RASGRP4: variants seen among roughly 807,000 people sequenced by gnomAD.
RASGRP4 encodes the protein RAS guanyl-releasing protein 4.
Under a neutral mutation model 84.4 loss-of-function variants are expected in RASGRP4, and 52 were observed. The ratio of observed to expected loss-of-function variants is 0.62; its 90% CI spans 0.49 to 0.78. The LOEUF is 0.78. RASGRP4 is among the 30% of genes least tolerant of loss of function. RASGRP4 has a pLI of 0.00. For missense variants in RASGRP4, 760 were observed against 886.9 expected, an observed-to-expected ratio of 0.86 and a Z score of 1.82; for synonymous variants, 356 against 359.1, an observed-to-expected ratio of 0.99 and a Z score of 0.10.
chr19:38,419,809 C>T, intron 6 of RASGRP4, 51 bp downstream of exon 6: 1 of 1,525,088 alleles, frequency 6.6e-7, no homozygotes, highest in Non-Finnish European at 8.9e-7. Flanking sequence ...CAATCCCTCC[C>T]CTACCCCAGT....
chr19:38,419,792 C>T, intron 6 of RASGRP4, 68 bp downstream of exon 6: 1 of 1,465,356 alleles, frequency 6.8e-7, no homozygotes, highest in Non-Finnish European at 9.3e-7. Context: ...TCCTACCTTC[C>T]CCCAGCCAAT....
At chr19:38,425,183 CAA>C (rs570185454) in intron 1 of RASGRP4, among the ~76,000 whole-genome samples, 1 of 67,704 alleles carries the variant, frequency 1.5e-5, no homozygotes, top group Admixed American at 1.8e-4. Context: ...GACTCCGTCT[CAA>C]AAAAAAAAAA....
At chr19:38,410,290 C>T (rs115241994) in intron 16 of RASGRP4, among the ~76,000 whole-genome samples, 194 bp from the exon 17 acceptor site, 92 of 152,262 alleles carry the variant, frequency 6.0e-4, no homozygotes, top group African/African-American at 2.1e-3. Context: ...TCCATTAACC[C>T]GTACAGTAGC....
rs867512087 is a variant in RASGRP4 at position 38,409,857 on chromosome 19, C to G, written c.*183G>C. ...GAAAGGGAGCAGGATTAGCATCCACCAGGATGCAAAAGAGGAAAGTCACTT... is the reference window on the plus strand; with the variant it reads ...GAAAGGGAGCAGGATTAGCATCCACGAGGATGCAAAAGAGGAAAGTCACTT... On this transcript the variant is annotated 3_prime_UTR_variant, in exon 17 of 17. Transcript: ENST00000615439. 3.6e-6 allele frequency: 2 copies of G among 551,034 alleles called. No homozygotes were observed. Among genetic ancestry groups the G allele is most frequent in the Non-Finnish European group, 6.5e-6 (2 of 305,852 alleles). 34.1% of individuals were successfully genotyped at this position (551,034 alleles called of 1,614,324 possible).
rs777212070 is a variant in RASGRP4, at chr19:38,420,255, G to T, written c.385C>A (p.Leu129Met). 2.5e-6 allele frequency: 4 copies of T among 1,613,052 alleles called. No homozygotes were observed. Among genetic ancestry groups the T allele is most frequent in the Non-Finnish European group, 2.5e-6 (3 of 1,179,580 alleles). Reference sequence around the variant, plus strand: ...TGCATCACCTCAGGGTGTCGCATCAGCCAGTACCTGAGAGTGGTTTGGAGA... The same window carrying T: ...TGCATCACCTCAGGGTGTCGCATCATCCAGTACCTGAGAGTGGTTTGGAGA... ...LQICHLVRYWLMRHPEVMHQD... is the reference protein window; with the variant it reads ...LQICHLVRYWMMRHPEVMHQD... The change falls in exon 5 of 17, where the codon CTG (leucine) becomes ATG (methionine). Residue 129 changes from leucine (L) to methionine (M), a missense_variant. Physicochemically the swap from Leu to Met is conservative, Grantham distance 15 (BLOSUM62 2). Transcript: ENST00000615439.
rs988904556 is a variant in RASGRP4, at chr19:38,412,150, G to A, written c.1680+522C>T. Among the ~76,000 whole-genome samples, 10 of 151,622 alleles carry A rather than the reference G, an allele frequency of 6.6e-5. No homozygotes were observed. The highest frequency in any genetic ancestry group is 1.2e-4 in the African/African-American group (5 of 41,218). ...GTTGTTGTTTTTGAGACAGAATCTC[G>A]CTCTGTCACCCAAGCTGGAGTGCAG... On this transcript the variant is annotated intron_variant, in intron 13 of 16. Transcript: ENST00000615439. The surrounding 1 kb of genome is among the most constrained non-coding windows in gnomAD (Gnocchi z 4.6).
chr19:38,425,688 C>T (rs970357930), intron 1 of RASGRP4, among the ~76,000 whole-genome samples: 3 of 152,174 alleles, frequency 2.0e-5, no homozygotes, highest in Non-Finnish European at 4.4e-5. Flanking sequence ...AGGGGAGTCG[C>T]CTTGCCCTGT....
chr19:38,410,414 CT>C (rs1001083743), intron 16 of RASGRP4, among the ~76,000 whole-genome samples: 353 of 135,948 alleles, frequency 2.6e-3, no homozygotes, highest in East Asian at 3.1e-3. Context: ...TTCTATTTTT[CT>C]TTTTTTTTTT....
At chr19:38,424,386 C>T (rs1242894404) in intron 1 of RASGRP4, among the ~76,000 whole-genome samples, 4 of 152,026 alleles carry the variant, frequency 2.6e-5, no homozygotes, top group Non-Finnish European at 5.9e-5. Flanking sequence ...TCTGAAAGTG[C>T]TGGGATTACA....
chr19:38,409,237 A>G lies in RASGRP4; in HGVS notation c.*803T>C, dbSNP rs537385800. 4.5e-4 allele frequency: 79 copies of G among 175,668 alleles called. 1 individual carries two copies. Among genetic ancestry groups the G allele is most frequent in the Admixed American group, 8.8e-4 (15 of 17,060 alleles). 10.9% of individuals were successfully genotyped at this position (175,668 alleles called of 1,614,324 possible). On this transcript the variant is annotated 3_prime_UTR_variant, in exon 17 of 17. Coordinates refer to ENST00000615439, the MANE Select transcript of RASGRP4 (RefSeq NM_170604.3). ...AGCACATCTATCCTGTGCCGTGGGCATGGGTAAGGAGACATTCAGGCATCA... is the reference window on the plus strand; with the variant it reads ...AGCACATCTATCCTGTGCCGTGGGCGTGGGTAAGGAGACATTCAGGCATCA...
intron 1 of RASGRP4, among the ~76,000 whole-genome samples, 158 bp downstream of exon 1, chr19:38,425,911 A>G (rs534078147): frequency 2.0e-5 from 3 of 152,276 alleles, no homozygotes; most frequent in African/African-American, 7.2e-5. Flanking sequence ...CTGCAGCCGT[A>G]GCTGGCTCCA....
chr19:38,420,264 TGA>T lies in RASGRP4; in HGVS notation c.378-4_378-3del. ...TCAGGGTGTCGCATCAGCCAGTACC[TGA>T]GAGTGGTTTGGAGATGGTGAGATGA... On this transcript the variant is annotated splice_polypyrimidine_tract_variant and splice_region_variant and intron_variant, in intron 4 of 16. Coordinates refer to ENST00000615439, the MANE Select transcript of RASGRP4 (RefSeq NM_170604.3). The T allele has an allele frequency of 6.2e-7, 1 of 1,612,516 alleles. No homozygotes were observed. The highest frequency in any genetic ancestry group is 8.5e-7 in the Non-Finnish European group (1 of 1,179,284).
Position 38,410,951 on chromosome 19 carries a change from C to CA in RASGRP4, c.1899dup (p.Gly634TrpfsTer12). ...GTCCAGGCATGGCGAAGCTGGCACC[C>CA]AGTCTCAGGCTCCAGGGATAGCGTG... On this transcript the variant is annotated frameshift_variant, in exon 16 of 17. Transcript: ENST00000615439. LOFTEE classifies it high-confidence loss of function. 6.2e-7 allele frequency: 1 copy of CA among 1,603,810 alleles called. No homozygotes were observed. Among genetic ancestry groups the CA allele is most frequent in the Non-Finnish European group, 8.5e-7 (1 of 1,175,308 alleles).
At chr19:38,410,473 C>T (rs1416307250) in intron 16 of RASGRP4, among the ~76,000 whole-genome samples, 1 of 149,372 alleles carries the variant, frequency 6.7e-6, no homozygotes, top group Non-Finnish European at 1.5e-5. Flanking sequence ...TGTGCAGTGG[C>T]ACAATCTCAG....
At position 38,422,068 on chromosome 19, in the gene RASGRP4, G is replaced by A. The variant is rs747855727; in HGVS notation, c.109C>T (p.Arg37Trp). The A allele has an allele frequency of 5.6e-6, 9 of 1,613,672 alleles. No homozygotes were observed. Among genetic ancestry groups the A allele is most frequent in the East Asian group, 4.5e-5 (2 of 44,900 alleles). ...VRRHKTCPSP[R>W]EISKVMASMN... ...GAAGCCATGACCTTGCTGATTTCCC[G>A]AGGGCTGGGGCATGTCTTGTGGCGG... Residue 37 changes from arginine (R) to tryptophan (W), a missense_variant, in exon 2 of 17, where the codon CGG becomes TGG. Coordinates refer to ENST00000615439, the MANE Select transcript of RASGRP4 (RefSeq NM_170604.3).
intron 2 of RASGRP4, among the ~76,000 whole-genome samples, chr19:38,421,494 A>G (rs1971748506): frequency 1.3e-5 from 2 of 152,258 alleles, no homozygotes; most frequent in East Asian, 1.9e-4. Flanking sequence ...GGCGGATCAT[A>G]TGAGGCCAGG....
In RASGRP4 at chr19:38,409,142, T is replaced by TGGGGGGG; in HGVS notation, c.*897_*898insCCCCCCC. ...AGGGGTGTTGGGGTTTGTGAAGGGG[T>TGGGGGGG]TGGGGGGGTCTCTGCTCCCTGGGAC... is the stretch of plus-strand genomic sequence containing the variant. On this transcript the variant is annotated 3_prime_UTR_variant, in exon 17 of 17. Coordinates refer to ENST00000615439, the MANE Select transcript of RASGRP4 (RefSeq NM_170604.3). 3.1e-6 allele frequency: 1 copy of TGGGGGGG among 318,566 alleles called. No homozygotes were observed. Among genetic ancestry groups the TGGGGGGG allele is most frequent in the African/African-American group, 2.4e-5 (1 of 42,352 alleles). 19.7% of individuals were successfully genotyped at this position (318,566 alleles called of 1,614,324 possible).
At position 38,411,181 on chromosome 19, in the gene RASGRP4, C is replaced by T. The variant is rs1186127553; in HGVS notation, c.1786G>A (p.Ala596Thr). ...VKVECKKRPGAKGDAGPPGAP... is the reference protein window; with the variant it reads ...VKVECKKRPGTKGDAGPPGAP... ...CCGGGGGGTCCTGCATCGCCCTTGG[C>T]CCCTGGCCTCTTCTTACATTCTACC... The change falls in exon 15 of 17, where the codon GCC becomes ACC. Residue 596 changes from alanine to threonine, a missense_variant. Ala to Thr is a moderately conservative substitution (Grantham distance 58). Transcript: ENST00000615439. 1 of 1,613,918 alleles carries T rather than the reference C, an allele frequency of 6.2e-7. No individual in the cohort carries two copies. Among genetic ancestry groups the T allele is most frequent in the East Asian group, 2.2e-5 (1 of 44,882 alleles).
At chr19:38,419,234 A>C (rs192445537) in intron 6 of RASGRP4, among the ~76,000 whole-genome samples, 2 of 152,308 alleles carry the variant, frequency 1.3e-5, no homozygotes, top group Middle Eastern at 3.4e-3. Context: ...TGACAATTTC[A>C]AATGGTTCAA....
Sources: gnomAD v4.1 joint callset for allele counts (sites outside exome capture counted in the v4.1 genomes callset) on GRCh38, gnomAD v4.1.1 for gene constraint, Gnocchi (gnomAD v3.1) non-coding constraint, MANE v1.5 for transcripts, NCBI Gene and HGNC (gene_info 2026-07-23, HGNC 2026-07-21) for gene names.